UVSSA: variants seen among roughly 807,000 people sequenced by gnomAD.
The protein encoded by UVSSA is UV-stimulated scaffold protein A.
A neutral mutation model predicts 73.9 loss-of-function variants in UVSSA; 72 were observed. That is an observed-to-expected ratio of 0.97 (90% CI 0.81 to 1.19). The LOEUF (loss-of-function observed/expected upper bound fraction) is 1.19. UVSSA is among the 50% of genes most tolerant of loss of function. The pLI, the probability that UVSSA is intolerant of heterozygous loss-of-function variation, is 0.00. For synonymous variants in UVSSA, 454 were observed against 391.3 expected, an observed-to-expected ratio of 1.16 and a Z score of -1.89; for missense variants, 1,150 against 965.0, an observed-to-expected ratio of 1.19 and a Z score of -2.54.
upstream of UVSSA, among the ~76,000 whole-genome samples, chr4:1,343,709 C>T (rs1411924806): frequency 2.0e-5 from 3 of 152,256 alleles, no homozygotes; most frequent in East Asian, 5.8e-4. Context: ...ATCGCTTGAA[C>T]CCAGAGGGCA....
rs750609200 is a variant in UVSSA, at chr4:1,353,221, G to A, written c.742G>A (p.Gly248Arg). ...GTCTGGCACCCCTGACCCCCGGGAC[G>A]GGGAGCAGCCCTGCTGCAGTAGAGA... Reference protein sequence around the residue: ...CRSGTPDPRDGEQPCCSRDLP... With the variant: ...CRSGTPDPRDREQPCCSRDLP... The change falls in exon 5 of 14, where the codon GGG (glycine) becomes AGG (arginine). Residue 248 changes from glycine (G) to arginine (R), a missense_variant. Gly to Arg is a moderately radical substitution (Grantham distance 125). Coordinates refer to ENST00000389851, the MANE Select transcript of UVSSA (RefSeq NM_020894.4). The A allele has an allele frequency of 1.8e-5, 29 of 1,612,112 alleles. No homozygotes were observed. The highest frequency in any genetic ancestry group is 2.4e-5 in the Non-Finnish European group (28 of 1,179,840).
rs1714771417 is a variant in UVSSA at position 1,351,653 on chromosome 4, T to C, written c.430-62T>C. 3 of 1,566,166 alleles carry C rather than the reference T, an allele frequency of 1.9e-6. No homozygotes were observed. In the African/African-American group the frequency reaches 4.1e-5, roughly 21 times the overall value. ...ATCTGCCTGCCTCAGCCTCCCAAAG[T>C]GCTGGGATTACAGGCGTGAGCCACC... On this transcript the variant is annotated intron_variant, in intron 3 of 13. Coordinates refer to ENST00000389851, the MANE Select transcript of UVSSA (RefSeq NM_020894.4).
At chr4:1,364,337 C>G (rs575780831) in intron 7 of UVSSA, among the ~76,000 whole-genome samples, 13 of 84,038 alleles carry the variant, frequency 1.5e-4, no homozygotes, top group South Asian at 8.5e-4. Flanking sequence ...GCCACCTCCC[C>G]GCACGGTGCT....
At chr4:1,375,926 C>T in intron 9 of UVSSA, 108 bp from the exon 10 acceptor site, 2 of 1,495,422 alleles carry the variant, frequency 1.3e-6, no homozygotes, top group Non-Finnish European at 8.9e-7. Context: ...CATTGCTCAC[C>T]TGATCCGACC....
chr4:1,349,347 G>C (rs12639938), intron 2 of UVSSA, among the ~76,000 whole-genome samples, 177 bp from the exon 3 acceptor site: 23,300 of 152,242 alleles, frequency 0.15, 2,061 homozygotes, highest in African/African-American at 0.24. Flanking sequence ...GGCTGGGGAG[G>C]TAGATGTGGC....
At chr4:1,372,332 G>C (rs935956266) in intron 8 of UVSSA, among the ~76,000 whole-genome samples, 1 of 152,124 alleles carries the variant, frequency 6.6e-6, no homozygotes, top group Non-Finnish European at 1.5e-5. Context: ...GGCCTGTCAC[G>C]CGTCCATCCA....
chr4:1,351,976 C>T (rs1306138641), intron 4 of UVSSA, 141 bp downstream of exon 4: 3 of 1,361,916 alleles, frequency 2.2e-6, no homozygotes, highest in Non-Finnish European at 2.9e-6. Flanking sequence ...TCAGGTCGGG[C>T]CGGAAGGCGT....
At chr4:1,365,251 A>G (rs1474909337) in intron 7 of UVSSA, among the ~76,000 whole-genome samples, 1 of 152,208 alleles carries the variant, frequency 6.6e-6, no homozygotes, top group Non-Finnish European at 1.5e-5. Context: ...TGGCCCTGTT[A>G]TGCCCGCAAG....
intron 3 of UVSSA, among the ~76,000 whole-genome samples, chr4:1,350,969 G>A (rs1577282130): frequency 1.3e-5 from 2 of 152,146 alleles, no homozygotes; most frequent in Non-Finnish European, 2.9e-5. Flanking sequence ...GCAGTGGCGC[G>A]ATCTCGGCTC....
intron 7 of UVSSA, among the ~76,000 whole-genome samples, chr4:1,363,922 G>C (rs986930115): frequency 1.3e-5 from 2 of 152,264 alleles, no homozygotes; most frequent in African/African-American, 4.8e-5. Context: ...AAGTGCACTT[G>C]GTCTGATGAT....
chr4:1,395,428 G>A lies in UVSSA; in HGVS notation c.*9467G>A, dbSNP rs1339767492. ...GAGTGCCCGCCTGCTCACACGTGCC[G>A]ACGTGGAGTGCCCGCCTGCTCACGT... On this transcript the variant is annotated 3_prime_UTR_variant, in exon 14 of 14. Transcript: ENST00000511216. 165 of 1,367,066 alleles carry A rather than the reference G, an allele frequency of 1.2e-4. No homozygotes were observed. The highest frequency in any genetic ancestry group is 7.1e-4 in the African/African-American group (34 of 47,946). 84.7% of individuals were successfully genotyped at this position (1,367,066 alleles called of 1,614,324 possible).
intron 13 of UVSSA, chr4:1,384,882 G>C (rs1461294015): frequency 1.3e-5 from 2 of 152,200 alleles, no homozygotes; most frequent in Non-Finnish European, 2.9e-5. Flanking sequence ...CTTGTGGGTG[G>C]TACATCCACA....
At position 1,387,789 on chromosome 4, in the gene UVSSA, C is replaced by T. The variant is rs1430514197; in HGVS notation, c.*1828C>T. The stretch of plus-strand genomic sequence containing the variant: ...TATTTCTGGGCACTTGACTCTATTC[C>T]ATTGACCTGTTTAACCTTATGCCAG... On this transcript the variant is annotated 3_prime_UTR_variant, in exon 14 of 14. Transcript: ENST00000389851. 1 of 152,166 alleles carries T rather than the reference C, an allele frequency of 6.6e-6. No individual in the cohort carries two copies. The highest frequency in any genetic ancestry group is 2.1e-4 in the South Asian group (1 of 4,830). The allele number at this position is 152,166 out of a possible 1,614,324, so 9.4% of individuals were successfully genotyped here.
Position 1,380,163 on chromosome 4 carries a change from C to T in UVSSA, c.1685C>T (p.Pro562Leu). 1 of 1,613,198 alleles carries T rather than the reference C, an allele frequency of 6.2e-7. No individual in the cohort carries two copies. The highest frequency in any genetic ancestry group is 8.5e-7 in the Non-Finnish European group (1 of 1,180,010). ...ATCACTTTTGCCGGGAAGTTTGAGCCTGTGCAGCACTGGTGCCGTGCCCCG... is the reference window on the plus strand; with the variant it reads ...ATCACTTTTGCCGGGAAGTTTGAGCTTGTGCAGCACTGGTGCCGTGCCCCG... The part of the protein sequence containing the change: ...RHITFAGKFE[P>L]VQHWCRAPRP... Residue 562 changes from proline (P) to leucine (L), a missense_variant, in exon 11 of 14, where the codon CCT (proline) becomes CTT (leucine). By Grantham distance (98) the Pro-to-Leu change is moderately conservative. Coordinates refer to ENST00000389851, the MANE Select transcript of UVSSA (RefSeq NM_020894.4).
rs1444316953 is a variant in UVSSA at position 1,395,733 on chromosome 4, T to C, written c.*9772T>C. On this transcript the variant is annotated 3_prime_UTR_variant, in exon 14 of 14. Coordinates refer to the UVSSA transcript ENST00000511216. ...AGCCCTGGCATGGTGGTTCTGTAGG[T>C]TTCCTGTCCTGCCGGCCGAGTCAGA... The C allele has an allele frequency of 2.5e-6, 4 of 1,614,102 alleles. No homozygotes were observed. The Admixed American group carries it at 5.0e-5, about 20-fold the overall frequency.
At chr4:1,354,118 T>C (rs2109096758) in intron 5 of UVSSA, among the ~76,000 whole-genome samples, 1 of 152,328 alleles carries the variant, frequency 6.6e-6, no homozygotes, top group South Asian at 2.1e-4. Context: ...GCAGCCGGGC[T>C]GGGAAGCTGC....
At chr4:1,368,028 C>T (rs574477478) in intron 8 of UVSSA, among the ~76,000 whole-genome samples, 4 of 152,266 alleles carry the variant, frequency 2.6e-5, no homozygotes, top group Non-Finnish European at 5.9e-5. Context: ...TGGACCAGGC[C>T]GTGGGTCCAG....
chr4:1,352,476 C>A (rs532504972), intron 4 of UVSSA, among the ~76,000 whole-genome samples: 7 of 152,338 alleles, frequency 4.6e-5, no homozygotes, highest in African/African-American at 1.2e-4. Context: ...AAAGCTGCTC[C>A]GGCCCGGGAG....
At chr4:1,381,294 C>T (rs75084347) in intron 12 of UVSSA, among the ~76,000 whole-genome samples, 27 of 152,352 alleles carry the variant, frequency 1.8e-4, no homozygotes, top group East Asian at 1.2e-3. Flanking sequence ...CTGCTTCCCT[C>T]GTGTTTTCAG....
Sources: allele counts gnomAD v4.1 joint callset (sites outside exome capture counted in the v4.1 genomes callset), GRCh38; gene constraint gnomAD v4.1.1; transcripts MANE v1.5; gene names NCBI Gene and HGNC (gene_info 2026-07-23, HGNC 2026-07-21).